The following TFCP2 variants were observed in gnomAD, a reference collection of about 807,000 sequenced individuals.
The protein encoded by TFCP2 is transcription factor CP2.
TFCP2 carries 33 observed loss-of-function variants against 73.4 expected under a neutral mutation model. That is an observed-to-expected ratio of 0.45 (90% CI 0.34 to 0.60). The LOEUF is 0.60. TFCP2 is among the 20% of genes least tolerant of loss of function. The probability of loss-of-function intolerance (pLI) is 0.01; values close to 1 mark genes in which losing one functional copy is unlikely to be tolerated. For missense variants in TFCP2, 352 were observed against 604.0 expected (o/e 0.58, Z 4.37); for synonymous variants, 193 against 211.6 (o/e 0.91, Z 0.76).
intron 1 of TFCP2, among the ~76,000 whole-genome samples, chr12:51,128,260 G>C (rs554111364): frequency 6.6e-6 from 1 of 151,922 alleles, no homozygotes; most frequent in Non-Finnish European, 1.5e-5. Flanking sequence ...TATATTCCCC[G>C]TACCTTATAC....
chr12:51,103,907 T>C lies in TFCP2; in HGVS notation c.967-144A>G, dbSNP rs951792737. 6 of 728,092 alleles carry C rather than the reference T, an allele frequency of 8.2e-6. No individual in the cohort carries two copies. In the African/African-American group the frequency reaches 1.1e-4, roughly 13 times the overall value. The allele number at this position is 728,092 out of a possible 1,614,324, so 45.1% of individuals were successfully genotyped here. On this transcript the variant is annotated intron_variant, in intron 9 of 14. Transcript: ENST00000257915. ...TTTCTCTTTCTCCAACCATGCAAGA[T>C]GCTCAAGGAGTTCCATCCTTTTCTT...
In TFCP2 at chr12:51,096,026, A is replaced by G. The variant is rs757940018; in HGVS notation, c.1434T>C (p.Phe478=). The G allele has an allele frequency of 6.2e-7, 1 of 1,613,160 alleles. No individual in the cohort carries two copies. Among genetic ancestry groups the G allele is most frequent in the Admixed American group, 1.7e-5 (1 of 59,860 alleles). The part of the protein sequence containing the change: ...VLISDEMIQN[F]QEEACFILDT... Reference sequence around the variant, plus strand: ...CCAGAATAAAACATGCTTCTTCCTGAAAGTTCTGTATCATCTGAAAAATGC... The same window carrying G: ...CCAGAATAAAACATGCTTCTTCCTGGAAGTTCTGTATCATCTGAAAAATGC... The change falls in exon 14 of 15, where the codon TTT becomes TTC. Residue 478 remains phenylalanine, a synonymous_variant. Transcript: ENST00000257915.
intron 1 of TFCP2, among the ~76,000 whole-genome samples, chr12:51,124,401 AT>A (rs1186881897): frequency 6.6e-6 from 1 of 151,320 alleles, no homozygotes; most frequent in Non-Finnish European, 1.5e-5. Context: ...CTAATTGGTT[AT>A]TTTTTTCTTT....
At chr12:51,157,681 C>CTTTTTTTTTTTTTT (rs770963610) in intron 1 of TFCP2, among the ~76,000 whole-genome samples, 3 of 77,288 alleles carry the variant, frequency 3.9e-5, no homozygotes, top group Non-Finnish European at 7.4e-5. Flanking sequence ...TTTTTCTTTT[C>CTTTTTTTTTTTTTT]TTTTCTTTTT....
intron 2 of TFCP2, 116 bp downstream of exon 2, chr12:51,118,505 A>C: frequency 1.6e-6 from 2 of 1,281,900 alleles, no homozygotes; most frequent in African/African-American, 3.0e-5. Context: ...CAGTGAGCCA[A>C]GATGGCGCCA....
chr12:51,127,782 G>C (rs1284175600), intron 1 of TFCP2, among the ~76,000 whole-genome samples: 5 of 152,158 alleles, frequency 3.3e-5, no homozygotes, highest in African/African-American at 9.7e-5. Context: ...AAAATTCCTG[G>C]ATGAATTCTA....
intron 6 of TFCP2, 122 bp from the exon 7 acceptor site, chr12:51,107,468 GAC>G (rs1206438516): frequency 2.7e-6 from 2 of 732,834 alleles, no homozygotes; most frequent in African/African-American, 1.8e-5. Context: ...GTAAAGGCAA[GAC>G]ACATCACTTT....
At chr12:51,135,617 C>T (rs1941045415) in intron 1 of TFCP2, among the ~76,000 whole-genome samples, 1 of 152,124 alleles carries the variant, frequency 6.6e-6, no homozygotes, top group South Asian at 2.1e-4. Context: ...TCAGAATCAC[C>T]TGGGGAGCTT....
intron 4 of TFCP2, among the ~76,000 whole-genome samples, chr12:51,112,332 A>G (rs1940422530): frequency 6.6e-6 from 1 of 152,168 alleles, no homozygotes; most frequent in Admixed American, 6.5e-5. Flanking sequence ...TCCTCCTTCT[A>G]GCTTAAAATA....
chr12:51,133,481 T>C (rs1356520541), intron 1 of TFCP2, among the ~76,000 whole-genome samples: 2 of 152,186 alleles, frequency 1.3e-5, no homozygotes, highest in Non-Finnish European at 2.9e-5. Context: ...ATTTTTGTAT[T>C]TTTTTGTAGA....
intron 1 of TFCP2, among the ~76,000 whole-genome samples, chr12:51,119,907 A>G (rs1048578188): frequency 2.0e-5 from 3 of 152,026 alleles, no homozygotes; most frequent in African/African-American, 7.2e-5. Flanking sequence ...AAACTAGGCC[A>G]GGTGCTCACG....
intron 1 of TFCP2, among the ~76,000 whole-genome samples, chr12:51,122,687 C>G (rs1453865789): frequency 6.6e-6 from 1 of 152,102 alleles, no homozygotes; most frequent in Admixed American, 6.6e-5. Flanking sequence ...TCTTCCTGTC[C>G]ATATTAATTT....
At chr12:51,096,110 G>T in intron 13 of TFCP2, 70 bp from the exon 14 acceptor site, 1 of 1,253,932 alleles carries the variant, frequency 8.0e-7, no homozygotes, top group Non-Finnish European at 1.2e-6. Context: ...GTGTCCCTAA[G>T]GACTACCCCA....
At chr12:51,124,512 G>T in intron 1 of TFCP2, 1 of 392,016 alleles carries the variant, frequency 2.6e-6, no homozygotes, top group Non-Finnish European at 4.9e-6. Context: ...TGGGGTAGGG[G>T]GGTAAGGCAG....
At chr12:51,108,222 G>A (rs1321737980) in intron 6 of TFCP2, among the ~76,000 whole-genome samples, 1 of 151,706 alleles carries the variant, frequency 6.6e-6, no homozygotes, top group East Asian at 2.0e-4. Flanking sequence ...GGAGACGGAG[G>A]TTGCAGTGAG....
intron 1 of TFCP2, among the ~76,000 whole-genome samples, chr12:51,164,400 C>T (rs1188513008): frequency 6.6e-6 from 1 of 151,934 alleles, no homozygotes; most frequent in Non-Finnish European, 1.5e-5. Flanking sequence ...AGTTCAAGAC[C>T]AGCCTGGTCA....
chr12:51,154,966 G>C (rs965497784), intron 1 of TFCP2, among the ~76,000 whole-genome samples: 1 of 152,228 alleles, frequency 6.6e-6, no homozygotes, highest in African/African-American at 2.4e-5. Flanking sequence ...TGTTTCCAGA[G>C]AAGACTGGTG....
At chr12:51,115,063 G>GAAAAAAAA (rs1234676560) in intron 4 of TFCP2, among the ~76,000 whole-genome samples, 2 of 2,138 alleles carry the variant, frequency 9.4e-4, no homozygotes, top group African/African-American at 1.2e-3. Context: ...CTCCATCTCA[G>GAAAAAAAA]GAAAAAAAAA....
chr12:51,131,290 G>A lies in TFCP2; in HGVS notation c.123-12518C>T, dbSNP rs180753648. ...GTGGAGCTTGCAGTGAGCCAAGATC[G>A]CACCACTGCACCCCAGCCTGGGTGA... On this transcript the variant is annotated intron_variant, in intron 1 of 14. Coordinates refer to ENST00000257915, the MANE Select transcript of TFCP2 (RefSeq NM_005653.5). Among the ~76,000 whole-genome samples the A allele has an allele frequency of 2.5e-3, 358 of 143,632 alleles. 4 individuals are homozygous for A. Among genetic ancestry groups the A allele is most frequent in the African/African-American group, 9.0e-3 (347 of 38,712 alleles). The allele number at this position is 143,632 out of a possible 152,430, so 94.2% of individuals were successfully genotyped here.
Sources: allele counts gnomAD v4.1 joint callset (sites outside exome capture counted in the v4.1 genomes callset), GRCh38; gene constraint gnomAD v4.1.1; transcripts MANE v1.5; gene names NCBI Gene and HGNC (gene_info 2026-07-23, HGNC 2026-07-21).